The following NUFIP1 variants were observed in gnomAD, a reference collection of about 807,000 sequenced individuals.
NUFIP1 encodes the protein nuclear FMR1 interacting protein 1, also known as FMR1-interacting protein NUFIP1.
Under a neutral mutation model 56.2 loss-of-function variants are expected in NUFIP1, and 38 were observed. That is an observed-to-expected ratio of 0.68 (90% CI 0.52 to 0.89). The LOEUF (loss-of-function observed/expected upper bound fraction) is 0.89. Ranked by LOEUF, NUFIP1 falls within the 40% of genes least tolerant of loss-of-function variation. NUFIP1 has a pLI of 0.00. For synonymous variants in NUFIP1, 215 were observed against 212.4 expected, an observed-to-expected ratio of 1.01 and a Z score of -0.10; for missense variants, 567 against 605.8, an observed-to-expected ratio of 0.94 and a Z score of 0.67.
chr13:44,941,059 G>T lies in NUFIP1; in HGVS notation c.*147C>A. On this transcript the variant is annotated 3_prime_UTR_variant, in exon 10 of 10. Coordinates refer to ENST00000379161, the MANE Select transcript of NUFIP1 (RefSeq NM_012345.3). ...TTTATTTGCATAGAACCAAAGGAAA[G>T]ACTTAAAATTCCAACATACATCCTA... 1 of 522,756 alleles carries T rather than the reference G, an allele frequency of 1.9e-6. No homozygotes were observed. Among genetic ancestry groups the T allele is most frequent in the Non-Finnish European group, 3.5e-6 (1 of 289,630 alleles). 32.4% of individuals were successfully genotyped at this position (522,756 alleles called of 1,614,324 possible). A position where few individuals can be genotyped will look rare whatever the true frequency, so the allele number is the denominator to read the frequency against.
At chr13:44,968,245 T>C (rs953700587) in intron 5 of NUFIP1, among the ~76,000 whole-genome samples, 5 of 152,072 alleles carry the variant, frequency 3.3e-5, no homozygotes, top group South Asian at 2.1e-4. Flanking sequence ...CAGCAATACA[T>C]GACTACATTT....
intron 8 of NUFIP1, among the ~76,000 whole-genome samples, chr13:44,947,286 T>A (rs150595538): frequency 0.021 from 3,186 of 148,450 alleles, 131 homozygotes; most frequent in African/African-American, 0.076. Flanking sequence ...TCACCCAGGC[T>A]GGAGTGCAGT....
chr13:44,988,646 G>A (rs1872526731), intron 1 of NUFIP1, among the ~76,000 whole-genome samples: 1 of 152,036 alleles, frequency 6.6e-6, no homozygotes, highest in Non-Finnish European at 1.5e-5. Context: ...CCCAGATTCT[G>A]GTACATAGTC....
intron 6 of NUFIP1, among the ~76,000 whole-genome samples, chr13:44,962,871 G>T (rs538185335): frequency 6.6e-6 from 1 of 152,268 alleles, no homozygotes; most frequent in South Asian, 2.1e-4. Flanking sequence ...ACTGGATACA[G>T]TAACACACGG....
At chr13:44,971,047 C>G (rs771565888) in intron 5 of NUFIP1, among the ~76,000 whole-genome samples, 2 of 151,804 alleles carry the variant, frequency 1.3e-5, no homozygotes, top group African/African-American at 2.4e-5. Flanking sequence ...TCAAACATAC[C>G]AAAAGAAAAG....
At chr13:44,958,363 C>T (rs1049737254) in intron 7 of NUFIP1, among the ~76,000 whole-genome samples, 1 of 152,160 alleles carries the variant, frequency 6.6e-6, no homozygotes, top group Admixed American at 6.5e-5. Flanking sequence ...AAAAGGCTGT[C>T]ATAAGAAGAC....
chr13:44,979,928 TA>T lies in NUFIP1; in HGVS notation c.618del (p.Phe206LeufsTer20), dbSNP rs1158160447. ...HTKCPELDCSFTAHEKIVQFH... is the reference protein window; with the variant it reads ...HTKCPELDCSXTAHEKIVQFH... Reference sequence around the variant, plus strand: ...AACTGGACAATCTTCTCGTGTGCAGTAAAAGAGCAATCTAATTCAGGGCACT... The same window carrying T: ...AACTGGACAATCTTCTCGTGTGCAGTAAAGAGCAATCTAATTCAGGGCACT... On this transcript the variant is annotated frameshift_variant, in exon 4 of 10. Coordinates refer to ENST00000379161, the MANE Select transcript of NUFIP1 (RefSeq NM_012345.3). LOFTEE classifies it high-confidence loss of function. 5.6e-6 allele frequency: 9 copies of T among 1,603,282 alleles called. No individual in the cohort carries two copies. Among genetic ancestry groups the T allele is most frequent in the Non-Finnish European group, 7.6e-6 (9 of 1,177,048 alleles).
intron 7 of NUFIP1, among the ~76,000 whole-genome samples, chr13:44,958,811 T>C (rs985513067): frequency 1.3e-5 from 2 of 152,250 alleles, no homozygotes; most frequent in African/African-American, 4.8e-5. Flanking sequence ...ATGATATCTG[T>C]ATGTGACACC....
intron 8 of NUFIP1, among the ~76,000 whole-genome samples, chr13:44,947,884 C>T (rs558666668): frequency 2.0e-5 from 3 of 152,172 alleles, no homozygotes; most frequent in East Asian, 1.9e-4. Context: ...AAATAGGCAA[C>T]CATCTGTTAA....
At chr13:44,948,096 C>T (rs1870955002) in intron 8 of NUFIP1, among the ~76,000 whole-genome samples, 1 of 151,436 alleles carries the variant, frequency 6.6e-6, no homozygotes, top group Admixed American at 6.6e-5. Context: ...TATCTCTAGC[C>T]TAGTCAACAT....
rs1233249256 is a variant in NUFIP1, at chr13:44,943,559, G to A, written c.1254C>T (p.Ala418=). ...VKATVRNFSE[A]KSENRKKSFE... ...AGCTTTTCTTTCGGTTCTCACTCTT[G>A]GCTTCTGAAAAATTTCTAACAGTTG... The change falls in exon 9 of 10, where the codon GCC becomes GCT. Residue 418 remains alanine (A), a synonymous_variant. Coordinates refer to ENST00000379161, the MANE Select transcript of NUFIP1 (RefSeq NM_012345.3). 6.2e-7 allele frequency: 1 copy of A among 1,613,766 alleles called. No individual in the cohort carries two copies. Among genetic ancestry groups the A allele is most frequent in the Admixed American group, 1.7e-5 (1 of 59,996 alleles).
At chr13:44,959,610 G>A (rs375832199) in intron 6 of NUFIP1, 36 bp from the exon 7 acceptor site, 59 of 1,551,484 alleles carry the variant, frequency 3.8e-5, no homozygotes, top group Non-Finnish European at 5.0e-5. Flanking sequence ...AATATAAAAG[G>A]CACTGACCTT....
At chr13:44,958,819 A>G (rs925225954) in intron 7 of NUFIP1, among the ~76,000 whole-genome samples, 4 of 152,246 alleles carry the variant, frequency 2.6e-5, no homozygotes, top group Admixed American at 6.5e-5. Flanking sequence ...TGTATGTGAC[A>G]CCAGCATTTT....
At chr13:44,956,548 G>T (rs758646644) in intron 7 of NUFIP1, among the ~76,000 whole-genome samples, 2 of 152,168 alleles carry the variant, frequency 1.3e-5, no homozygotes, top group African/African-American at 2.4e-5. Flanking sequence ...GCCCTGAGCT[G>T]TTTTCCTGCA....
chr13:44,949,670 A>G, intron 8 of NUFIP1, 52 bp downstream of exon 8: 2 of 1,154,474 alleles, frequency 1.7e-6, no homozygotes, highest in South Asian at 1.5e-5. Context: ...GCATGCACAA[A>G]AGGCAAAAAG....
intron 1 of NUFIP1, among the ~76,000 whole-genome samples, chr13:44,987,461 T>C (rs749899240): frequency 6.6e-6 from 1 of 152,180 alleles, no homozygotes; most frequent in Non-Finnish European, 1.5e-5. Flanking sequence ...AATCAAGGTA[T>C]GTAAGTTGTT....
At chr13:44,951,812 C>T (rs1871093115) in intron 7 of NUFIP1, among the ~76,000 whole-genome samples, 2 of 152,068 alleles carry the variant, frequency 1.3e-5, no homozygotes, top group Non-Finnish European at 2.9e-5. Context: ...AAAAATGTAC[C>T]TTAATTTAAA....
intron 6 of NUFIP1, 58 bp from the exon 7 acceptor site, chr13:44,959,632 T>C (rs1342452046): frequency 5.4e-6 from 8 of 1,468,476 alleles, no homozygotes; most frequent in South Asian, 2.6e-5. Context: ...CAAGAAAATT[T>C]TGAAAAAGAC....
intron 6 of NUFIP1, among the ~76,000 whole-genome samples, chr13:44,962,235 A>G (rs536152306): frequency 5.3e-5 from 8 of 152,376 alleles, no homozygotes; most frequent in Middle Eastern, 3.4e-3. Flanking sequence ...ACAAAATTAC[A>G]TAATATATAA....
Sources: allele counts gnomAD v4.1 joint callset (sites outside exome capture counted in the v4.1 genomes callset), GRCh38; gene constraint gnomAD v4.1.1; transcripts MANE v1.5; gene names NCBI Gene and HGNC (gene_info 2026-07-23, HGNC 2026-07-21).